ZNF407: variants seen among roughly 807,000 people sequenced by gnomAD.
ZNF407 encodes the protein zinc finger protein 407.
ZNF407 carries 17 observed loss-of-function variants against 131.2 expected under a neutral mutation model. The ratio of observed to expected loss-of-function variants is 0.13; its 90% confidence interval spans 0.09 to 0.19. The LOEUF (loss-of-function observed/expected upper bound fraction) is 0.19, where lower values mean the gene tolerates loss of function less well. Among genes scored for constraint, ZNF407 ranks in the 10% least tolerant of loss-of-function variants. ZNF407 has a pLI of 1.00. For missense variants in ZNF407, 2,681 were observed against 2,830.6 expected, an observed-to-expected ratio of 0.95 and a Z score of 1.20; for synonymous variants, 1,156 against 1,062.0, an observed-to-expected ratio of 1.09 and a Z score of -1.72.
chr18:74,869,999 A>T (rs1165192595), intron 4 of ZNF407, among the ~76,000 whole-genome samples: 1 of 152,160 alleles, frequency 6.6e-6, no homozygotes, highest in East Asian at 1.9e-4. Flanking sequence ...ACAAAGAAAA[A>T]TTTCATAGCA....
chr18:74,675,655 T>G (rs2144762280), intron 3 of ZNF407, among the ~76,000 whole-genome samples: 1 of 152,366 alleles, frequency 6.6e-6, no homozygotes, highest in Middle Eastern at 3.4e-3. Context: ...TTTCTGATTT[T>G]AGTTCCTGTT....
At chr18:74,726,898 G>T (rs1265722421) in intron 3 of ZNF407, among the ~76,000 whole-genome samples, 1 of 152,160 alleles carries the variant, frequency 6.6e-6, no homozygotes, top group Admixed American at 6.5e-5. Flanking sequence ...CAGTATTTCG[G>T]TGCATCTTAT....
Position 75,044,867 on chromosome 18 carries a change from C to T in ZNF407, c.5429-18283C>T, listed in dbSNP as rs535694475. 1.4e-4 allele frequency among the ~76,000 whole-genome samples: 21 copies of T among 152,230 alleles called. No homozygotes were observed. The South Asian group carries it at 4.1e-3, about 30-fold the overall frequency. ...TTAATATTCTGACCAACACTGAAGA[C>T]TTATTTGTACATCATAGTTCTTCCA... On this transcript the variant is annotated intron_variant, in intron 8 of 8. Transcript: ENST00000299687.
intron 4 of ZNF407, among the ~76,000 whole-genome samples, chr18:74,798,158 A>G (rs1164100533): frequency 6.6e-6 from 1 of 151,960 alleles, no homozygotes; most frequent in Non-Finnish European, 1.5e-5. Context: ...ATTGCATGGA[A>G]CAGTAAAAAT....
intron 8 of ZNF407, among the ~76,000 whole-genome samples, chr18:74,994,207 G>A (rs866711179): frequency 1.3e-5 from 2 of 151,938 alleles, no homozygotes; most frequent in South Asian, 4.2e-4. Flanking sequence ...GAGTAAAAGA[G>A]CATCAGTTCT....
At chr18:74,831,613 G>A (rs566352430) in intron 4 of ZNF407, among the ~76,000 whole-genome samples, 15 of 152,296 alleles carry the variant, frequency 9.8e-5, no homozygotes, top group Middle Eastern at 6.8e-3. Flanking sequence ...TTTTAAGGCT[G>A]AATAATATTA....
At chr18:74,861,404 A>G (rs1455349184) in intron 4 of ZNF407, among the ~76,000 whole-genome samples, 2 of 152,238 alleles carry the variant, frequency 1.3e-5, no homozygotes, top group South Asian at 2.1e-4. Flanking sequence ...TGCTAGAGCA[A>G]TGACATCACT....
chr18:75,036,998 A>G (rs1973316713), intron 8 of ZNF407, among the ~76,000 whole-genome samples: 2 of 152,222 alleles, frequency 1.3e-5, no homozygotes, highest in South Asian at 2.1e-4. Context: ...TGAGGCATCA[A>G]TCAGTCCATC....
intron 8 of ZNF407, among the ~76,000 whole-genome samples, chr18:75,041,023 G>A (rs546244046): frequency 6.6e-6 from 1 of 152,302 alleles, no homozygotes; most frequent in Admixed American, 6.5e-5. Flanking sequence ...GTTCTTCCCC[G>A]TGTTAAGCAT....
chr18:74,686,812 G>T (rs548833243), intron 3 of ZNF407, among the ~76,000 whole-genome samples: 2 of 152,292 alleles, frequency 1.3e-5, no homozygotes, highest in East Asian at 3.9e-4. Context: ...CTTTACCTTA[G>T]ACCTTTTAAT....
At chr18:74,708,919 A>G (rs1967691779) in intron 3 of ZNF407, among the ~76,000 whole-genome samples, 1 of 152,252 alleles carries the variant, frequency 6.6e-6, no homozygotes, top group African/African-American at 2.4e-5. Flanking sequence ...GCATTGCCTC[A>G]GCAGGCTTAG....
At chr18:74,770,046 T>G (rs1172850219) in intron 3 of ZNF407, among the ~76,000 whole-genome samples, 1 of 152,034 alleles carries the variant, frequency 6.6e-6, no homozygotes, top group Non-Finnish European at 1.5e-5. Context: ...CACCTCAGGT[T>G]TTTCATCTGG....
chr18:74,676,633 AC>A (rs1986392856), intron 3 of ZNF407, among the ~76,000 whole-genome samples: 2 of 151,550 alleles, frequency 1.3e-5, no homozygotes, highest in South Asian at 4.2e-4. Context: ...ACGGGGTTTC[AC>A]CGTGTTAGCC....
At chr18:75,012,028 C>A (rs1433011097) in intron 8 of ZNF407, among the ~76,000 whole-genome samples, 4 of 151,952 alleles carry the variant, frequency 2.6e-5, no homozygotes, top group African/African-American at 9.7e-5. Flanking sequence ...CTTTTTAAAC[C>A]TGCAAAAACA....
At chr18:74,983,192 C>T (rs1191178393) in intron 8 of ZNF407, among the ~76,000 whole-genome samples, 2 of 151,918 alleles carry the variant, frequency 1.3e-5, no homozygotes, top group African/African-American at 4.8e-5. Flanking sequence ...ATCAGTTTTG[C>T]GATTTGAGTA....
chr18:74,863,168 A>G (rs1970961797), intron 4 of ZNF407, among the ~76,000 whole-genome samples: 1 of 151,006 alleles, frequency 6.6e-6, no homozygotes, highest in Non-Finnish European at 1.5e-5. Flanking sequence ...TGATCCTCCC[A>G]CCTCGGCCTC....
chr18:74,962,786 ACGTGCTCTGTTGAAATCACCTGGTTGG>A (rs1156758593), intron 8 of ZNF407, among the ~76,000 whole-genome samples: 3 of 152,210 alleles, frequency 2.0e-5, no homozygotes, highest in Non-Finnish European at 4.4e-5. Context: ...TTCAGCACTT[ACGTGCTCTGTTGAAATCACCTGGTTGG>A]CTGTCCAGCT....
chr18:75,039,836 A>G (rs955125706), intron 8 of ZNF407, among the ~76,000 whole-genome samples: 1 of 151,936 alleles, frequency 6.6e-6, no homozygotes, highest in African/African-American at 2.4e-5. Context: ...TCATAAAGAA[A>G]AAGCTCAATT....
intron 3 of ZNF407, among the ~76,000 whole-genome samples, chr18:74,666,298 G>C (rs772678394): frequency 6.6e-6 from 1 of 152,190 alleles, no homozygotes; most frequent in Non-Finnish European, 1.5e-5. Context: ...GCCAGTGGAG[G>C]GGAGGGCAGG....
Sources: allele counts gnomAD v4.1 joint callset (sites outside exome capture counted in the v4.1 genomes callset), GRCh38; gene constraint gnomAD v4.1.1; transcripts MANE v1.5; gene names NCBI Gene and HGNC (gene_info 2026-07-23, HGNC 2026-07-21).